RSL1D1: variants seen among roughly 807,000 people sequenced by gnomAD.
RSL1D1 encodes ribosomal L1 domain-containing protein 1.
In RSL1D1, 34 loss-of-function variants were observed where a neutral mutation model predicts 44.6. That is an observed-to-expected ratio of 0.76 (90% CI 0.58 to 1.02). The LOEUF is 1.02. Among genes scored for constraint, RSL1D1 ranks in the 50% least tolerant of loss-of-function variants. The pLI, the probability that RSL1D1 is intolerant of heterozygous loss-of-function variation, is 0.00. For missense variants in RSL1D1, 767 were observed against 568.1 expected, an observed-to-expected ratio of 1.35 and a Z score of -3.56; for synonymous variants, 271 against 207.4, an observed-to-expected ratio of 1.31 and a Z score of -2.63.
At position 11,837,665 on chromosome 16, in the gene RSL1D1, T is replaced by TA. The variant is rs1234598925; in HGVS notation, c.*121dup. On this transcript the variant is annotated 3_prime_UTR_variant, in exon 9 of 9. Transcript: ENST00000571133. ...GCCCCTGGACTACTTATGGAGGTTT[T>TA]AAAAAATCTTTTAAGTCCAGGCCTG... 1 of 973,566 alleles carries TA rather than the reference T, an allele frequency of 1.0e-6. No homozygotes were observed. The highest frequency in any genetic ancestry group is 2.4e-5 in the East Asian group (1 of 41,572). The allele number at this position is 973,566 out of a possible 1,614,324, so 60.3% of individuals were successfully genotyped here. A position where few individuals can be genotyped will look rare whatever the true frequency, so the allele number is the denominator to read the frequency against.
At position 11,841,622 on chromosome 16, in the gene RSL1D1, GTC is replaced by G. The variant is rs558309291; in HGVS notation, c.855+71_855+72del. 2.0e-4 allele frequency: 274 copies of G among 1,400,276 alleles called. 1 individual carries two copies. The East Asian group carries it at 5.6e-3, about 29-fold the overall frequency. The allele number at this position is 1,400,276 out of a possible 1,614,324, so 86.7% of individuals were successfully genotyped here. On this transcript the variant is annotated intron_variant, in intron 7 of 8. Transcript: ENST00000571133. ...ACTGAAAAGTCGGGCAGCGATGATG[GTC>G]TACTTCTCTCCTAGTGACTGAATTT...
rs879419578 is a variant in RSL1D1, at chr16:11,836,215, A to C, written c.*1572T>G. On this transcript the variant is annotated 3_prime_UTR_variant, in exon 9 of 9. Coordinates refer to ENST00000571133, the MANE Select transcript of RSL1D1 (RefSeq NM_015659.3). ...AGAGCTCACGGCCTTCACAGCCTCC[A>C]CCATCCCGATGGTCTGCTGGTCCTA... 2 of 152,142 alleles carry C rather than the reference A, an allele frequency of 1.3e-5. No individual in the cohort carries two copies. Among genetic ancestry groups the C allele is most frequent in the Non-Finnish European group, 2.9e-5 (2 of 68,030 alleles). 9.4% of individuals were successfully genotyped at this position (152,142 alleles called of 1,614,324 possible). A position where few individuals can be genotyped will look rare whatever the true frequency, so the allele number is the denominator to read the frequency against.
chr16:11,850,700 G>A (rs911179177), intron 1 of RSL1D1, among the ~76,000 whole-genome samples: 8 of 152,178 alleles, frequency 5.3e-5, no homozygotes, highest in Non-Finnish European at 1.0e-4. Context: ...GGGCTAGAGG[G>A]AAACGTGCCC....
Position 11,841,684 on chromosome 16 carries a change from A to C in RSL1D1, c.855+11T>G. ...ATTATTCATTCTGTAAGTATTTAAAATTCTACTAACTTTTTTCTTCTTATT... is the reference window on the plus strand; with the variant it reads ...ATTATTCATTCTGTAAGTATTTAAACTTCTACTAACTTTTTTCTTCTTATT... On this transcript the variant is annotated intron_variant, in intron 7 of 8. Transcript: ENST00000571133. The C allele has an allele frequency of 6.2e-7, 1 of 1,607,616 alleles. No homozygotes were observed.
intron 2 of RSL1D1, among the ~76,000 whole-genome samples, chr16:11,848,115 C>T (rs570421362): frequency 7.2e-5 from 11 of 151,926 alleles, no homozygotes; most frequent in East Asian, 1.9e-4. Flanking sequence ...TAGCCAGGCA[C>T]GGTGGTAGGT....
intron 6 of RSL1D1, 26 bp from the exon 7 acceptor site, chr16:11,841,846 G>A (rs762635821): frequency 5.6e-6 from 9 of 1,612,678 alleles, no homozygotes; most frequent in Non-Finnish European, 5.1e-6. Flanking sequence ...GAGTAACATC[G>A]TCTACATATA....
At position 11,846,607 on chromosome 16, in the gene RSL1D1, A is replaced by G; in HGVS notation, c.534-5T>C. The G allele has an allele frequency of 1.9e-6, 3 of 1,609,030 alleles. No homozygotes were observed. In the South Asian group the frequency reaches 3.3e-5, roughly 18 times the overall value. ...AGGTTTACAGATACTGGAACTCTACAAAATAAACACACAGGCATTCAGAAC... is the reference window on the plus strand; with the variant it reads ...AGGTTTACAGATACTGGAACTCTACGAAATAAACACACAGGCATTCAGAAC... On this transcript the variant is annotated splice_polypyrimidine_tract_variant and splice_region_variant and intron_variant, in intron 4 of 8. Transcript: ENST00000571133.
rs1393328199 is a variant in RSL1D1 at position 11,847,648 on chromosome 16, A to G, written c.384+20T>C. On this transcript the variant is annotated intron_variant, in intron 3 of 8. Coordinates refer to ENST00000571133, the MANE Select transcript of RSL1D1 (RefSeq NM_015659.3). ...ATTAAATCCTCTAAATAACTTGAAAATATTAACCAGGCTTCCTACCTGAGA... is the reference window on the plus strand; with the variant it reads ...ATTAAATCCTCTAAATAACTTGAAAGTATTAACCAGGCTTCCTACCTGAGA... 1 of 1,590,458 alleles carries G rather than the reference A, an allele frequency of 6.3e-7. No individual in the cohort carries two copies.
chr16:11,851,257 A>C, intron 1 of RSL1D1, 151 bp downstream of exon 1: 1 of 741,158 alleles, frequency 1.3e-6, no homozygotes, highest in South Asian at 1.5e-5. Context: ...ACGTGTGTAA[A>C]GGGGAGAGAC....
chr16:11,850,132 G>A, intron 2 of RSL1D1, 147 bp downstream of exon 2: 2 of 762,244 alleles, frequency 2.6e-6, no homozygotes, highest in Non-Finnish European at 2.0e-6. Context: ...AAGCCTCTAT[G>A]GTTCTTTTGG....
chr16:11,850,883 T>G (rs955552688), intron 1 of RSL1D1: 1 of 177,520 alleles, frequency 5.6e-6, no homozygotes, highest in African/African-American at 2.4e-5. Context: ...AGAGACGGGG[T>G]TTCACCATGT....
Position 11,847,669 on chromosome 16 carries a change from T to C in RSL1D1, c.383A>G (p.Gln128Arg), listed in dbSNP as rs1370867456. 1.2e-6 allele frequency: 2 copies of C among 1,605,872 alleles called. No homozygotes were observed. The highest frequency in any genetic ancestry group is 1.7e-5 in the Admixed American group (1 of 57,658). Residue 128 changes from glutamine (Q) to arginine (R), a missense_variant and splice_region_variant, in exon 3 of 9, where the codon CAG (glutamine) becomes CGG (arginine). By Grantham distance (43) the Gln-to-Arg change is conservative. Coordinates refer to ENST00000571133, the MANE Select transcript of RSL1D1 (RefSeq NM_015659.3). ...LNKHGIKTVS[Q>R]IISLQTLKKE... ...GAAAATATTAACCAGGCTTCCTACC[T>C]GAGAAACGGTTTTAATTCCATGCTT...
intron 7 of RSL1D1, chr16:11,841,405 C>G (rs1425845171): frequency 7.2e-6 from 2 of 278,900 alleles, no homozygotes; most frequent in East Asian, 1.9e-4. Flanking sequence ...GAGACCCTGT[C>G]TCTCTAAAAA....
chr16:11,841,094 T>C (rs548045232), intron 7 of RSL1D1, among the ~76,000 whole-genome samples: 6 of 152,302 alleles, frequency 3.9e-5, no homozygotes, highest in African/African-American at 1.2e-4. Flanking sequence ...TGGTAGGAAC[T>C]TAACTCAGGC....
At chr16:11,846,975 G>T in intron 3 of RSL1D1, 132 bp from the exon 4 acceptor site, 1 of 761,208 alleles carries the variant, frequency 1.3e-6, no homozygotes, top group Non-Finnish European at 2.1e-6. Flanking sequence ...ATGAACACTT[G>T]AGGGCCTAAA....
chr16:11,845,520 C>T (rs780663682), intron 5 of RSL1D1, among the ~76,000 whole-genome samples: 41 of 152,072 alleles, frequency 2.7e-4, no homozygotes, highest in Non-Finnish European at 5.4e-4. Context: ...GGAGCTGCCC[C>T]GTCCAATGCA....
Position 11,850,408 on chromosome 16 carries a change from G to A in RSL1D1, c.116C>T (p.Ala39Val). The change falls in exon 2 of 9, where the codon GCA becomes GTA. Residue 39 changes from alanine to valine, a missense_variant. Physicochemically the swap from Ala to Val is moderately conservative, Grantham distance 64. Transcript: ENST00000571133. ...GCAATGCGTCAAGAGAGCGTCCACT[G>A]CCTTTCTAACCTGCAAAGTGGAAAT... ...KQLDKEQVRK[A>V]VDALLTHCKS... 1.3e-6 allele frequency: 2 copies of A among 1,593,492 alleles called. No individual in the cohort carries two copies. The highest frequency in any genetic ancestry group is 1.7e-6 in the Non-Finnish European group (2 of 1,174,796).
chr16:11,839,544 A>AGG (rs2141250623), intron 8 of RSL1D1, 151 bp downstream of exon 8: 1 of 1,073,870 alleles, frequency 9.3e-7, no homozygotes. Flanking sequence ...AAAAAAAAAA[A>AGG]AAGGTACAAT....
chr16:11,850,312 C>G lies in RSL1D1; in HGVS notation c.212G>C (p.Trp71Ser). 1 of 1,588,122 alleles carries G rather than the reference C, an allele frequency of 6.3e-7. No individual in the cohort carries two copies. The highest frequency in any genetic ancestry group is 8.5e-7 in the Non-Finnish European group (1 of 1,173,670). The change falls in exon 2 of 9, where the codon TGG becomes TCG. Residue 71 changes from tryptophan to serine, a missense_variant. Transcript: ENST00000571133. ...CCTCAGTTCTTTACTTGGAATTTTC[C>G]ATAATACCACCATTAAAAATAAACT... ...NESLFLMVVLWKIPSKELRVR... is the reference protein window; with the variant it reads ...NESLFLMVVLSKIPSKELRVR...
Sources: gnomAD v4.1 joint callset for allele counts (sites outside exome capture counted in the v4.1 genomes callset) on GRCh38, gnomAD v4.1.1 for gene constraint, MANE v1.5 for transcripts, NCBI Gene and HGNC (gene_info 2026-07-23, HGNC 2026-07-21) for gene names.